ERBB4: variants seen among roughly 807,000 people sequenced by gnomAD.
The protein encoded by ERBB4 is receptor tyrosine-protein kinase erbB-4.
Under a neutral mutation model 158.0 loss-of-function variants are expected in ERBB4, and 42 were observed. That is an observed-to-expected ratio of 0.27 (90% CI 0.21 to 0.34). ERBB4 has a LOEUF of 0.34. Among genes scored for constraint, ERBB4 ranks in the 10% least tolerant of loss-of-function variants. The pLI is 1.00. For missense variants in ERBB4, 1,333 were observed against 1,624.1 expected, an observed-to-expected ratio of 0.82 and a Z score of 3.08; for synonymous variants, 583 against 558.7, an observed-to-expected ratio of 1.04 and a Z score of -0.61.
At chr2:212,146,109 C>A (rs906790015) in intron 1 of ERBB4, among the ~76,000 whole-genome samples, 2 of 152,138 alleles carry the variant, frequency 1.3e-5, no homozygotes, top group African/African-American at 4.8e-5. Context: ...ATCCTGGCAT[C>A]TTGACATTAT....
intron 5 of ERBB4, among the ~76,000 whole-genome samples, chr2:211,740,959 T>C (rs116539734): frequency 9.1e-4 from 138 of 152,326 alleles, no homozygotes; most frequent in African/African-American, 3.1e-3. Context: ...AAGAATATAA[T>C]ACATTTCAAT....
chr2:211,885,565 C>T (rs1428709382), intron 3 of ERBB4, among the ~76,000 whole-genome samples: 4 of 152,014 alleles, frequency 2.6e-5, no homozygotes, highest in Non-Finnish European at 5.9e-5. Flanking sequence ...AAGCAATTCT[C>T]CTATCTCAGC....
chr2:212,070,264 T>C (rs2078074238), intron 2 of ERBB4, among the ~76,000 whole-genome samples: 1 of 145,512 alleles, frequency 6.9e-6, no homozygotes, highest in Non-Finnish European at 1.5e-5. Flanking sequence ...TTTTTTAAAG[T>C]ATCAATACTT....
chr2:211,759,080 C>G (rs1320114248), intron 4 of ERBB4, among the ~76,000 whole-genome samples: 1 of 152,180 alleles, frequency 6.6e-6, no homozygotes, highest in Non-Finnish European at 1.5e-5. Flanking sequence ...TCAATAGCAG[C>G]TCAATTCTTT....
chr2:212,441,555 C>T (rs73079459), intron 1 of ERBB4, among the ~76,000 whole-genome samples: 20,457 of 152,046 alleles, frequency 0.13, 2,938 homozygotes, highest in African/African-American at 0.36. Context: ...TAAGTAGAAA[C>T]CTGGAGAACA....
chr2:211,833,267 T>C (rs1309141806), intron 3 of ERBB4, among the ~76,000 whole-genome samples: 1 of 152,180 alleles, frequency 6.6e-6, no homozygotes, highest in Non-Finnish European at 1.5e-5. Context: ...GCTCCCTGAC[T>C]GGTTAATTCA....
intron 2 of ERBB4, among the ~76,000 whole-genome samples, chr2:211,970,997 C>T (rs1312022683): frequency 6.6e-6 from 1 of 152,140 alleles, no homozygotes; most frequent in Non-Finnish European, 1.5e-5. Flanking sequence ...CAGTGTGTTT[C>T]TGTAGTGGCT....
At chr2:212,238,371 C>T (rs1351448318) in intron 1 of ERBB4, among the ~76,000 whole-genome samples, 1 of 152,150 alleles carries the variant, frequency 6.6e-6, no homozygotes, top group African/African-American at 2.4e-5. Context: ...AGGCAACACC[C>T]TATCCTGCTT....
intron 19 of ERBB4, among the ~76,000 whole-genome samples, chr2:211,600,412 A>T (rs2068764506): frequency 6.6e-6 from 1 of 152,204 alleles, no homozygotes; most frequent in Admixed American, 6.5e-5. Context: ...GCAAAATGAG[A>T]AAAGCAAAAA....
chr2:211,377,486 G>T lies in ERBB4; in HGVS notation c.*6129C>A, dbSNP rs2062496359. 8.6e-6 allele frequency: 2 copies of T among 232,908 alleles called. No homozygotes were observed. The highest frequency in any genetic ancestry group is 1.7e-5 in the Non-Finnish European group (2 of 117,696). The allele number at this position is 232,908 out of a possible 1,614,324, so 14.4% of individuals were successfully genotyped here. On this transcript the variant is annotated 3_prime_UTR_variant, in exon 28 of 28. Transcript: ENST00000342788. ...TCCATAAAGAGCAAAAGTAGGTAAA[G>T]GATGGCATTCTATTAAACAACATGG...
chr2:212,529,043 C>G (rs1271141741), intron 1 of ERBB4, among the ~76,000 whole-genome samples: 1 of 152,012 alleles, frequency 6.6e-6, no homozygotes, highest in Non-Finnish European at 1.5e-5. Flanking sequence ...ATATTCCTCC[C>G]AAGAGTCTGC....
chr2:212,481,479 C>A (rs1689695612), intron 1 of ERBB4, among the ~76,000 whole-genome samples: 2 of 152,058 alleles, frequency 1.3e-5, no homozygotes, highest in South Asian at 2.1e-4. Flanking sequence ...TCTTTCTCTG[C>A]CAAATAAAAC....
At chr2:212,245,071 A>G (rs1253632097) in intron 1 of ERBB4, among the ~76,000 whole-genome samples, 2 of 152,216 alleles carry the variant, frequency 1.3e-5, no homozygotes, top group East Asian at 3.9e-4. Context: ...TCAGAAGTCT[A>G]TAAATTATTT....
At chr2:212,013,560 T>G (rs1037217923) in intron 2 of ERBB4, among the ~76,000 whole-genome samples, 1 of 152,172 alleles carries the variant, frequency 6.6e-6, no homozygotes, top group Non-Finnish European at 1.5e-5. Context: ...TACAGAGGGT[T>G]AGGGTAAGTC....
chr2:212,332,230 T>C (rs2088211857), intron 1 of ERBB4, among the ~76,000 whole-genome samples: 1 of 152,028 alleles, frequency 6.6e-6, no homozygotes, highest in Non-Finnish European at 1.5e-5. Context: ...CTGATGGTTT[T>C]ATAAGGGGGA....
intron 3 of ERBB4, among the ~76,000 whole-genome samples, chr2:211,790,284 G>T (rs1050374629): frequency 6.6e-6 from 1 of 151,674 alleles, no homozygotes; most frequent in Non-Finnish European, 1.5e-5. Flanking sequence ...GGAAATAAAG[G>T]TTATTTTTCA....
intron 1 of ERBB4, among the ~76,000 whole-genome samples, chr2:212,405,501 T>C (rs1253443947): frequency 6.6e-6 from 1 of 152,082 alleles, no homozygotes; most frequent in Non-Finnish European, 1.5e-5. Context: ...CTCAGAGGAA[T>C]TTAAATCATT....
At chr2:212,156,629 C>T (rs1465926839) in intron 1 of ERBB4, among the ~76,000 whole-genome samples, 1 of 152,134 alleles carries the variant, frequency 6.6e-6, no homozygotes, top group Non-Finnish European at 1.5e-5. Context: ...AACAGCATTT[C>T]TGTATTTTTC....
intron 2 of ERBB4, among the ~76,000 whole-genome samples, chr2:212,019,369 A>T (rs930773174): frequency 3.3e-5 from 5 of 152,350 alleles, no homozygotes; most frequent in Middle Eastern, 6.8e-3. Context: ...GTTTTTAATT[A>T]AAAAAGCATT....
Sources: gnomAD v4.1 joint callset for allele counts (sites outside exome capture counted in the v4.1 genomes callset) on GRCh38, gnomAD v4.1.1 for gene constraint, MANE v1.5 for transcripts, NCBI Gene and HGNC (gene_info 2026-07-23, HGNC 2026-07-21) for gene names.